CTNNA2: variants seen among roughly 807,000 people sequenced by gnomAD.
The protein encoded by CTNNA2 is catenin alpha 2.
Under a neutral mutation model 101.0 loss-of-function variants are expected in CTNNA2, and 42 were observed. The ratio of observed to expected loss-of-function variants is 0.42; its 90% CI spans 0.32 to 0.54. The LOEUF is 0.54. Among genes scored for constraint, CTNNA2 ranks in the 20% least tolerant of loss-of-function variants. The probability of loss-of-function intolerance (pLI) is 0.14; values close to 1 mark genes in which losing one functional copy is unlikely to be tolerated. For missense variants in CTNNA2, 871 were observed against 1,223.1 expected (o/e 0.71, Z 4.29); for synonymous variants, 450 against 456.4 (o/e 0.99, Z 0.18).
intron 1 of CTNNA2, among the ~76,000 whole-genome samples, chr2:79,544,763 G>A (rs1309353865): frequency 6.6e-6 from 1 of 152,090 alleles, no homozygotes; most frequent in Non-Finnish European, 1.5e-5. Context: ...CAGGTATTTA[G>A]AGCCCAAGTG....
intron 8 of CTNNA2, among the ~76,000 whole-genome samples, chr2:80,396,042 A>G (rs1215769317): frequency 6.6e-6 from 1 of 152,176 alleles, no homozygotes; most frequent in African/African-American, 2.4e-5. Context: ...AACAAAGTCA[A>G]TCATGATCAT....
intron 7 of CTNNA2, among the ~76,000 whole-genome samples, chr2:80,251,425 A>G (rs1032919676): frequency 6.6e-6 from 1 of 152,056 alleles, no homozygotes; most frequent in African/African-American, 2.4e-5. Context: ...GGCCCCCACC[A>G]ACTTCCCAGT....
intron 3 of CTNNA2, among the ~76,000 whole-genome samples, chr2:79,341,322 G>C (rs1677132181): frequency 6.6e-6 from 1 of 152,182 alleles, no homozygotes; most frequent in South Asian, 2.1e-4. Context: ...TGAATTAGTG[G>C]ATATGGAACA....
chr2:79,398,731 A>T (rs1261643398), intron 4 of CTNNA2, among the ~76,000 whole-genome samples: 1 of 152,030 alleles, frequency 6.6e-6, no homozygotes, highest in African/African-American at 2.4e-5. Context: ...CTACCCTTCC[A>T]TAACAATAAC....
At chr2:79,746,390 G>T (rs1251928693) in intron 3 of CTNNA2, among the ~76,000 whole-genome samples, 2 of 152,120 alleles carry the variant, frequency 1.3e-5, no homozygotes, top group African/African-American at 2.4e-5. Context: ...TTGACACAGA[G>T]AATTTTTAAA....
chr2:79,852,615 C>T (rs190737537), intron 3 of CTNNA2, among the ~76,000 whole-genome samples: 2 of 152,308 alleles, frequency 1.3e-5, no homozygotes, highest in Admixed American at 6.5e-5. Context: ...TTTTTTGAGA[C>T]GAAGTCTCAC....
At chr2:79,841,199 A>G (rs891742037) in intron 3 of CTNNA2, among the ~76,000 whole-genome samples, 1 of 152,220 alleles carries the variant, frequency 6.6e-6, no homozygotes, top group African/African-American at 2.4e-5. Flanking sequence ...AGGCTAAGAA[A>G]CATGCAGAGT....
intron 7 of CTNNA2, among the ~76,000 whole-genome samples, chr2:80,208,723 C>T (rs1558904179): frequency 6.6e-6 from 1 of 152,186 alleles, no homozygotes. Flanking sequence ...TGGGCAGTAT[C>T]TCTAAAATAT....
At chr2:79,234,813 T>C (rs1674536208) in intron 2 of CTNNA2, among the ~76,000 whole-genome samples, 2 of 152,310 alleles carry the variant, frequency 1.3e-5, no homozygotes, top group African/African-American at 4.8e-5. Context: ...TTCAGCTTGA[T>C]CTATTCTGCT....
chr2:80,483,280 T>A (rs1339437239), intron 9 of CTNNA2, among the ~76,000 whole-genome samples: 3 of 151,880 alleles, frequency 2.0e-5, no homozygotes, highest in African/African-American at 7.2e-5. Context: ...AAAGTGTACA[T>A]GTTTCTATTC....
intron 2 of CTNNA2, among the ~76,000 whole-genome samples, chr2:79,698,559 A>T (rs189570003): frequency 2.0e-5 from 3 of 152,118 alleles, no homozygotes; most frequent in Admixed American, 6.6e-5. Flanking sequence ...GCCTATTACA[A>T]TGGTTAAACT....
intron 7 of CTNNA2, among the ~76,000 whole-genome samples, chr2:79,964,216 A>C (rs1314220186): frequency 6.6e-6 from 1 of 152,226 alleles, no homozygotes; most frequent in Non-Finnish European, 1.5e-5. Flanking sequence ...GAGGAAATTC[A>C]CATGTCCTGA....
At chr2:80,174,033 G>A (rs1289416990) in intron 7 of CTNNA2, among the ~76,000 whole-genome samples, 4 of 152,270 alleles carry the variant, frequency 2.6e-5, no homozygotes, top group Admixed American at 2.0e-4. Context: ...GTAATTAAGG[G>A]CAGACTTTGT....
At chr2:79,863,425 C>T (rs1461484309) in intron 4 of CTNNA2, among the ~76,000 whole-genome samples, 5 of 152,044 alleles carry the variant, frequency 3.3e-5, no homozygotes, top group South Asian at 2.1e-4. Context: ...TGCCTCTCCT[C>T]GAACCTATCG....
At chr2:79,218,776 TAAAGTTTTTCAA>T (rs1674302777) in intron 2 of CTNNA2, among the ~76,000 whole-genome samples, 1 of 152,208 alleles carries the variant, frequency 6.6e-6, no homozygotes, top group Admixed American at 6.5e-5. Flanking sequence ...TATTCTGCTT[TAAAGTTTTTCAA>T]AAAGTGAATT....
intron 15 of CTNNA2, among the ~76,000 whole-genome samples, chr2:80,594,338 T>G (rs762661691): frequency 6.6e-6 from 1 of 152,084 alleles, no homozygotes; most frequent in African/African-American, 2.4e-5. Flanking sequence ...AGTTGGGTTG[T>G]TTGTTTGCTT....
At chr2:80,366,478 T>C (rs565858481) in intron 7 of CTNNA2, among the ~76,000 whole-genome samples, 5 of 152,148 alleles carry the variant, frequency 3.3e-5, no homozygotes, top group Non-Finnish European at 7.4e-5. Flanking sequence ...GCATATTTGA[T>C]AACTTTTTTA....
chr2:80,271,942 T>C (rs900692731), intron 7 of CTNNA2, among the ~76,000 whole-genome samples: 4 of 152,212 alleles, frequency 2.6e-5, no homozygotes, highest in Non-Finnish European at 4.4e-5. Context: ...GAGAGTCTTT[T>C]AGTGAGTGCT....
chr2:79,581,960 T>G lies in CTNNA2; in HGVS notation c.-6+68753T>G, dbSNP rs79182598. ...TACAGAACTGAAAAATGTATAAGAATGAAGAAATACAGCTGTAGGTATTAA... is the reference window on the plus strand; with the variant it reads ...TACAGAACTGAAAAATGTATAAGAAGGAAGAAATACAGCTGTAGGTATTAA... On this transcript the variant is annotated intron_variant, in intron 1 of 18. Coordinates refer to ENST00000402739, the MANE Select transcript of CTNNA2 (RefSeq NM_001282597.3). Among the ~76,000 whole-genome samples, 301 of 152,308 alleles carry G rather than the reference T, an allele frequency of 2.0e-3. 9 individuals carry two copies. In the East Asian group the frequency reaches 0.053, roughly 27 times the overall value.
Sources: gnomAD v4.1 joint callset for allele counts (sites outside exome capture counted in the v4.1 genomes callset) on GRCh38, gnomAD v4.1.1 for gene constraint, MANE v1.5 for transcripts, NCBI Gene and HGNC (gene_info 2026-07-23, HGNC 2026-07-21) for gene names.